The following PLEK2 variants were observed in gnomAD, a reference collection of about 807,000 sequenced individuals.
The protein encoded by PLEK2 is pleckstrin-2.
In PLEK2, 29 loss-of-function variants were observed where a neutral mutation model predicts 43.8. The observed-to-expected ratio is 0.66, with a 90% CI of 0.49 to 0.90. The LOEUF (loss-of-function observed/expected upper bound fraction) is 0.90. PLEK2 is among the 40% of genes least tolerant of loss of function. The pLI is 0.00. For synonymous variants in PLEK2, 162 were observed against 173.2 expected, an observed-to-expected ratio of 0.94 and a Z score of 0.51; for missense variants, 398 against 448.1, an observed-to-expected ratio of 0.89 and a Z score of 1.01.
rs1281483841 is a variant in PLEK2 at position 67,412,105 on chromosome 14, G to A, written c.-46C>T. The A allele has an allele frequency of 3.4e-6, 5 of 1,469,840 alleles. No individual in the cohort carries two copies. The Admixed American group carries it at 1.2e-4, about 37-fold the overall frequency. The allele number at this position is 1,469,840 out of a possible 1,614,324, so 91.0% of individuals were successfully genotyped here. A position where few individuals can be genotyped will look rare whatever the true frequency, so the allele number is the denominator to read the frequency against. ...GCCACCCCAGGTGCGCCTTCCCCGC[G>A]CCTCGCGCTCCTCGGCACCCGCGCA... is the stretch of plus-strand genomic sequence containing the variant. On this transcript the variant is annotated 5_prime_UTR_variant, in exon 1 of 9. Transcript: ENST00000216446.
At chr14:67,389,789 T>TA (rs1264659743) in intron 7 of PLEK2, among the ~76,000 whole-genome samples, 4 of 150,118 alleles carry the variant, frequency 2.7e-5, no homozygotes, top group Non-Finnish European at 5.9e-5. Context: ...TTTTTTTTTT[T>TA]AAGTGTTTTT....
chr14:67,398,123 C>T, intron 1 of PLEK2: 1 of 270,252 alleles, frequency 3.7e-6, no homozygotes. Flanking sequence ...CCATTGCTAA[C>T]ATATTGTATT....
rs755438836 is a variant in PLEK2, at chr14:67,387,386, C to T, written c.1005G>A (p.Gln335=). 2 of 1,610,910 alleles carry T rather than the reference C, an allele frequency of 1.2e-6. No homozygotes were observed. Among genetic ancestry groups the T allele is most frequent in the South Asian group, 2.2e-5 (2 of 90,310 alleles). Residue 335 remains glutamine (Q), a synonymous_variant, in exon 9 of 9, where the codon CAG becomes CAA. Transcript: ENST00000216446. ...ITKDDTHYYI[Q]ASSKAERAEW... is the part of the protein sequence containing the mutation. The stretch of plus-strand genomic sequence containing the variant: ...CGGCTCGCTCAGCCTTGCTGCTGGC[C>T]TGAATGTAATAGTGTGTGTCATCCT...
At chr14:67,397,121 T>A (rs558970397) in intron 2 of PLEK2, among the ~76,000 whole-genome samples, 1 of 152,154 alleles carries the variant, frequency 6.6e-6, no homozygotes, top group Admixed American at 6.5e-5. Flanking sequence ...GTATTTTTAG[T>A]AGAGATGGGG....
chr14:67,395,479 A>C lies in PLEK2; in HGVS notation c.312T>G (p.His104Gln). 6.2e-7 allele frequency: 1 copy of C among 1,614,088 alleles called. No homozygotes were observed. Among genetic ancestry groups the C allele is most frequent in the Non-Finnish European group, 8.5e-7 (1 of 1,179,946 alleles). Residue 104 changes from histidine (H) to glutamine (Q), a missense_variant, in exon 3 of 9, where the codon CAT becomes CAG. Coordinates refer to ENST00000216446, the MANE Select transcript of PLEK2 (RefSeq NM_016445.3). ...GCTGGACCTTCCCCGGCTGCCCTGC[A>C]TGAATAGCCCCGGTGATCTCAAAGG... ...AWAFEITGAI[H>Q]AGQPGKVQQL... is the part of the protein sequence containing the mutation.
At chr14:67,400,697 G>T (rs2086042226) in intron 1 of PLEK2, among the ~76,000 whole-genome samples, 1 of 152,002 alleles carries the variant, frequency 6.6e-6, no homozygotes, top group Admixed American at 6.6e-5. Flanking sequence ...GAGGGCAAAA[G>T]AATCTTAGGG....
At chr14:67,406,089 T>C (rs2086076478) in intron 1 of PLEK2, among the ~76,000 whole-genome samples, 1 of 151,958 alleles carries the variant, frequency 6.6e-6, no homozygotes, top group Non-Finnish European at 1.5e-5. Context: ...TTAAACCCCG[T>C]CTCTACTAAA....
At chr14:67,388,072 A>G in intron 8 of PLEK2, 152 bp downstream of exon 8, 1 of 590,998 alleles carries the variant, frequency 1.7e-6, no homozygotes, top group Non-Finnish European at 3.1e-6. Context: ...CCTTTGTTCA[A>G]TTCTGAAATT....
chr14:67,404,002 G>A (rs1374617518), intron 1 of PLEK2, among the ~76,000 whole-genome samples: 3 of 152,158 alleles, frequency 2.0e-5, no homozygotes, highest in Non-Finnish European at 2.9e-5. Context: ...GCAACAAGCT[G>A]TGATTGCGCT....
intron 1 of PLEK2, among the ~76,000 whole-genome samples, chr14:67,403,651 G>T (rs894875661): frequency 6.6e-6 from 1 of 152,236 alleles, no homozygotes; most frequent in African/African-American, 2.4e-5. Context: ...GATGACAAAA[G>T]ATGTACTACG....
chr14:67,387,549 A>G lies in PLEK2; in HGVS notation c.935-93T>C, dbSNP rs144560655. Reference sequence around the variant, plus strand: ...CAGAAAGTCAACTGAGACATGGACAAAAACATACAATGATGTATTTATTAA... The same window carrying G: ...CAGAAAGTCAACTGAGACATGGACAGAAACATACAATGATGTATTTATTAA... On this transcript the variant is annotated intron_variant, in intron 8 of 8. Coordinates refer to ENST00000216446, the MANE Select transcript of PLEK2 (RefSeq NM_016445.3). The G allele has an allele frequency of 4.1e-5, 51 of 1,231,092 alleles. No individual in the cohort carries two copies. The African/African-American group carries it at 6.8e-4, about 16-fold the overall frequency. 76.3% of individuals were successfully genotyped at this position (1,231,092 alleles called of 1,614,324 possible).
Position 67,397,662 on chromosome 14 carries a change from C to T in PLEK2, c.207G>A (p.Pro69=), listed in dbSNP as rs536191922. 37 of 1,608,624 alleles carry T rather than the reference C, an allele frequency of 2.3e-5. No individual in the cohort carries two copies. The highest frequency in any genetic ancestry group is 1.7e-4 in the Middle Eastern group (1 of 6,054). Residue 69 remains proline, a splice_region_variant and synonymous_variant, in exon 2 of 9, where the codon CCG becomes CCA. Coordinates refer to ENST00000216446, the MANE Select transcript of PLEK2 (RefSeq NM_016445.3). ...CTGGACAGCAGGGGCCATCACTTACCGGTCGGTTTTCATACTCCAGGCAGG... is the reference window on the plus strand; with the variant it reads ...CTGGACAGCAGGGGCCATCACTTACTGGTCGGTTTTCATACTCCAGGCAGG... ...TCPCLEYENR[P]LLIKLKTQTS... is the part of the protein sequence containing the mutation.
chr14:67,387,558 A>C (rs1187316946), intron 8 of PLEK2, 102 bp from the exon 9 acceptor site: 3 of 1,164,170 alleles, frequency 2.6e-6, no homozygotes, highest in African/African-American at 3.2e-5. Context: ...AAAAACATAC[A>C]ATGATGTATT....
chr14:67,388,292 C>T lies in PLEK2; in HGVS notation c.866G>A (p.Arg289Lys), dbSNP rs776288867. 3 of 1,610,796 alleles carry T rather than the reference C, an allele frequency of 1.9e-6. No homozygotes were observed. In the East Asian group the frequency reaches 6.7e-5, roughly 36 times the overall value. Residue 289 changes from arginine to lysine, a missense_variant, in exon 8 of 9, where the codon AGG becomes AAG. Transcript: ENST00000216446. Reference sequence around the variant, plus strand: ...ACGAAGAGAAAACCCACCCACTGGCCTGTTCTCTTCCTGTAGAGGAAAGGA... The same window carrying T: ...ACGAAGAGAAAACCCACCCACTGGCTTGTTCTCTTCCTGTAGAGGAAAGGA... ...HYYDPSKEEN[R>K]PVGGFSLRGS...
At chr14:67,396,545 G>A (rs1054753368) in intron 2 of PLEK2, among the ~76,000 whole-genome samples, 27 of 152,076 alleles carry the variant, frequency 1.8e-4, no homozygotes, top group African/African-American at 6.5e-4. Flanking sequence ...TCACTCCTTT[G>A]GTGAACATTC....
At position 67,390,668 on chromosome 14, in the gene PLEK2, A is replaced by T. The variant is rs1326245552; in HGVS notation, c.850T>A (p.Ser284Thr). Residue 284 changes from serine (S) to threonine (T), a missense_variant, in exon 7 of 9, where the codon TCC becomes ACC. Ser to Thr is a moderately conservative substitution (Grantham distance 58). Coordinates refer to ENST00000216446, the MANE Select transcript of PLEK2 (RefSeq NM_016445.3). ...GAGCCAGCATGCGCACTCACTTTGG[A>T]AGGGTCATAGTAATGCAGGAAAGCT... ...DPAFLHYYDP[S>T]KEENRPVGGF... 6.2e-7 allele frequency: 1 copy of T among 1,609,614 alleles called. No individual in the cohort carries two copies. Among genetic ancestry groups the T allele is most frequent in the South Asian group, 1.1e-5 (1 of 90,998 alleles).
intron 7 of PLEK2, among the ~76,000 whole-genome samples, chr14:67,388,609 G>GA (rs1255486834): frequency 6.6e-6 from 1 of 152,120 alleles, no homozygotes; most frequent in Non-Finnish European, 1.5e-5. Flanking sequence ...ATGCTACCCG[G>GA]AAAAACATTC....
intron 1 of PLEK2, chr14:67,398,143 T>TCTTTTTTC (rs773200399): frequency 3.5e-5 from 8 of 225,790 alleles, no homozygotes; most frequent in Non-Finnish European, 6.0e-5. Flanking sequence ...TTCCTTCCGG[T>TCTTTTTTC]CTTTTTTCCT....
intron 2 of PLEK2, 76 bp downstream of exon 2, chr14:67,397,586 A>C (rs2086019484): frequency 6.2e-6 from 8 of 1,286,900 alleles, no homozygotes; most frequent in Admixed American, 4.5e-5. Flanking sequence ...TCCTACCCAC[A>C]CCACTTTCCC....
Sources: allele counts gnomAD v4.1 joint callset (sites outside exome capture counted in the v4.1 genomes callset), GRCh38; gene constraint gnomAD v4.1.1; transcripts MANE v1.5; gene names NCBI Gene and HGNC (gene_info 2026-07-23, HGNC 2026-07-21).